Variants in SERGEF observed in about 807,000 individuals in gnomAD.
SERGEF encodes the protein secretion regulating guanine nucleotide exchange factor.
A neutral mutation model predicts 50.0 loss-of-function variants in SERGEF; 51 were observed. The observed-to-expected ratio is 1.02, with a 90% CI of 0.81 to 1.29. The LOEUF is 1.29. SERGEF is among the 50% of genes most tolerant of loss of function. The pLI is 0.00. For synonymous variants in SERGEF, 205 were observed against 212.4 expected, an observed-to-expected ratio of 0.97 and a Z score of 0.30; for missense variants, 521 against 557.0, an observed-to-expected ratio of 0.94 and a Z score of 0.65.
chr11:17,899,637 T>A (rs1851707092), intron 9 of SERGEF, among the ~76,000 whole-genome samples: 1 of 152,132 alleles, frequency 6.6e-6, no homozygotes. Flanking sequence ...GGAAAGTAAC[T>A]TAGAAAGATA....
chr11:17,862,610 C>A (rs1005987996), intron 10 of SERGEF, among the ~76,000 whole-genome samples: 1 of 152,150 alleles, frequency 6.6e-6, no homozygotes. Flanking sequence ...CAAGGAGGAA[C>A]AGAGGATTCC....
chr11:17,857,774 C>T (rs938712793), intron 10 of SERGEF, among the ~76,000 whole-genome samples: 1 of 152,216 alleles, frequency 6.6e-6, no homozygotes, highest in Admixed American at 6.5e-5. Context: ...TGTGGGACCA[C>T]TTTCTCTATC....
chr11:17,803,130 T>G (rs572674239), intron 10 of SERGEF, among the ~76,000 whole-genome samples: 10 of 152,244 alleles, frequency 6.6e-5, no homozygotes, highest in Non-Finnish European at 1.3e-4. Context: ...AACTGCTATA[T>G]TGTGTGTGCA....
intron 9 of SERGEF, among the ~76,000 whole-genome samples, chr11:17,879,745 G>T (rs971419725): frequency 2.0e-5 from 3 of 152,108 alleles, no homozygotes; most frequent in African/African-American, 7.2e-5. Context: ...CCACAAAAAT[G>T]ACAACTATGT....
intron 1 of SERGEF, among the ~76,000 whole-genome samples, chr11:18,008,741 T>G (rs1212628809): frequency 6.6e-6 from 1 of 151,516 alleles, no homozygotes; most frequent in Non-Finnish European, 1.5e-5. Context: ...CAGGTGTATC[T>G]CGTATCTCTC....
At chr11:17,862,098 C>T (rs1412190925) in intron 10 of SERGEF, among the ~76,000 whole-genome samples, 1 of 152,188 alleles carries the variant, frequency 6.6e-6, no homozygotes, top group African/African-American at 2.4e-5. Flanking sequence ...TTGTCTCCCA[C>T]TGCTCTGCTC....
intron 9 of SERGEF, among the ~76,000 whole-genome samples, chr11:17,886,239 A>C (rs1339948722): frequency 6.6e-6 from 1 of 152,180 alleles, no homozygotes; most frequent in African/African-American, 2.4e-5. Context: ...CTACAGATAC[A>C]TTTTAGGACT....
intron 10 of SERGEF, among the ~76,000 whole-genome samples, chr11:17,871,419 C>A (rs1851134655): frequency 6.8e-6 from 1 of 146,390 alleles, no homozygotes; most frequent in African/African-American, 2.6e-5. Context: ...TGAGATTGTG[C>A]CACTGCACTC....
chr11:17,864,130 G>T (rs946450448), intron 10 of SERGEF, among the ~76,000 whole-genome samples: 6 of 152,220 alleles, frequency 3.9e-5, no homozygotes, highest in African/African-American at 1.4e-4. Flanking sequence ...GTTCACATTA[G>T]ATTTACTTTC....
At chr11:18,003,029 A>C (rs963718236) in intron 4 of SERGEF, among the ~76,000 whole-genome samples, 5 of 152,196 alleles carry the variant, frequency 3.3e-5, no homozygotes. Context: ...TCTATTTGCA[A>C]TTGGGAGCTA....
intron 7 of SERGEF, among the ~76,000 whole-genome samples, chr11:17,990,411 A>G (rs774345325): frequency 6.6e-6 from 1 of 152,122 alleles, no homozygotes; most frequent in Non-Finnish European, 1.5e-5. Flanking sequence ...AGAGAGGTCA[A>G]CCTCCTGGAC....
At chr11:17,889,570 C>T (rs1330131597) in intron 9 of SERGEF, among the ~76,000 whole-genome samples, 2 of 152,060 alleles carry the variant, frequency 1.3e-5, no homozygotes, top group Non-Finnish European at 2.9e-5. Flanking sequence ...GGCAAGGGGA[C>T]ATGACAACTA....
chr11:17,840,144 C>A (rs1850475290), intron 10 of SERGEF, among the ~76,000 whole-genome samples: 1 of 152,194 alleles, frequency 6.6e-6, no homozygotes, highest in Admixed American at 6.5e-5. Flanking sequence ...ATAAGAAGTT[C>A]TTTGTTCCAC....
At chr11:17,952,059 C>T (rs570967666) in intron 9 of SERGEF, among the ~76,000 whole-genome samples, 7 of 152,284 alleles carry the variant, frequency 4.6e-5, no homozygotes, top group African/African-American at 1.7e-4. Context: ...ACACTTTTTT[C>T]AGCACAATTC....
chr11:17,963,539 C>A (rs1853060034), intron 8 of SERGEF, among the ~76,000 whole-genome samples: 1 of 151,828 alleles, frequency 6.6e-6, no homozygotes, highest in African/African-American at 2.4e-5. Context: ...AGTCATGCAC[C>A]ACCATCCGGC....
At chr11:18,012,758 C>G in intron 1 of SERGEF, 193 bp downstream of exon 1, 2 of 1,436,170 alleles carry the variant, frequency 1.4e-6, no homozygotes, top group Non-Finnish European at 1.9e-6. Flanking sequence ...CTAAGTCGAC[C>G]GCGAAGACCC....
At chr11:18,010,871 T>G (rs1854179994) in intron 1 of SERGEF, among the ~76,000 whole-genome samples, 1 of 152,188 alleles carries the variant, frequency 6.6e-6, no homozygotes, top group Admixed American at 6.5e-5. Context: ...AGAGCATATA[T>G]GCACAGGATT....
chr11:17,898,868 G>A (rs1411929791), intron 9 of SERGEF, among the ~76,000 whole-genome samples: 3 of 152,108 alleles, frequency 2.0e-5, no homozygotes, highest in Non-Finnish European at 4.4e-5. Flanking sequence ...CAGTGTTGGA[G>A]GTGGGGCCTG....
At chr11:17,791,299 G>T (rs768286756) in intron 10 of SERGEF, among the ~76,000 whole-genome samples, 6 of 152,082 alleles carry the variant, frequency 3.9e-5, no homozygotes, top group Non-Finnish European at 8.8e-5. Flanking sequence ...GGAATTCCTG[G>T]TCAAAGAGTA....
Sources: allele counts gnomAD v4.1 joint callset (sites outside exome capture counted in the v4.1 genomes callset), GRCh38; gene constraint gnomAD v4.1.1; transcripts MANE v1.5; gene names NCBI Gene and HGNC (gene_info 2026-07-23, HGNC 2026-07-21).